The following DAB1 variants were observed in gnomAD, a reference collection of about 807,000 sequenced individuals.
The protein encoded by DAB1 is DAB adaptor protein 1.
In DAB1, 15 loss-of-function variants were observed where a neutral mutation model predicts 64.6. That is an observed-to-expected ratio of 0.23 (90% CI 0.16 to 0.36). The LOEUF (loss-of-function observed/expected upper bound fraction) is 0.36, where lower values mean the gene tolerates loss of function less well. DAB1 is among the 10% of genes least tolerant of loss of function. The pLI is 1.00. For synonymous variants in DAB1, 235 were observed against 251.9 expected (o/e 0.93, Z 0.64); for missense variants, 596 against 706.7 (o/e 0.84, Z 1.78).
chr1:57,567,899 T>A (rs1194131865), intron 7 of DAB1, among the ~76,000 whole-genome samples: 3 of 152,214 alleles, frequency 2.0e-5, no homozygotes, highest in Non-Finnish European at 4.4e-5. Flanking sequence ...TACAAATGAC[T>A]TTCTTCACAG....
intron 7 of DAB1, among the ~76,000 whole-genome samples, chr1:57,630,858 T>C (rs1645980944): frequency 6.6e-6 from 1 of 152,230 alleles, no homozygotes; most frequent in Non-Finnish European, 1.5e-5. Context: ...ATTATTCAAA[T>C]TATGTGAAAA....
At chr1:58,339,758 A>T (rs753520778) in intron 4 of DAB1, among the ~76,000 whole-genome samples, 8 of 152,178 alleles carry the variant, frequency 5.3e-5, no homozygotes, top group Non-Finnish European at 1.2e-4. Context: ...ATTCTGGAAG[A>T]CTTTAAGATA....
chr1:58,118,058 C>T (rs1488809093), intron 5 of DAB1, among the ~76,000 whole-genome samples: 1 of 151,792 alleles, frequency 6.6e-6, no homozygotes, highest in Non-Finnish European at 1.5e-5. Context: ...CATGTGCCAC[C>T]ATGCCTGCTA....
At chr1:57,678,490 G>A (rs943585469) in intron 6 of DAB1, among the ~76,000 whole-genome samples, 1 of 152,078 alleles carries the variant, frequency 6.6e-6, no homozygotes, top group Non-Finnish European at 1.5e-5. Flanking sequence ...AATAACTAAT[G>A]TAATATAAAC....
At chr1:57,424,538 A>G (rs906901046), upstream of DAB1, among the ~76,000 whole-genome samples, 4 of 152,156 alleles carry the variant, frequency 2.6e-5, no homozygotes, top group African/African-American at 4.8e-5. Flanking sequence ...CATCACCACC[A>G]CTGGACGCAG....
intron 5 of DAB1, among the ~76,000 whole-genome samples, chr1:58,069,540 G>A (rs993638828): frequency 7.9e-5 from 12 of 152,048 alleles, no homozygotes; most frequent in Admixed American, 2.0e-4. Flanking sequence ...AAATAAACAT[G>A]CTAAGGCCCA....
chr1:57,586,967 T>C (rs1558518258), intron 7 of DAB1, among the ~76,000 whole-genome samples: 1 of 152,198 alleles, frequency 6.6e-6, no homozygotes, highest in Non-Finnish European at 1.5e-5. Context: ...TAAATGTTTA[T>C]TCAGTGAATA....
chr1:57,345,697 T>G (rs1678021691), intron 1 of DAB1, among the ~76,000 whole-genome samples: 1 of 152,236 alleles, frequency 6.6e-6, no homozygotes, highest in African/African-American at 2.4e-5. Flanking sequence ...ATAACTGTAA[T>G]TACTTGGAGC....
At chr1:57,535,510 G>A (rs934010444) in intron 7 of DAB1, among the ~76,000 whole-genome samples, 22 of 137,082 alleles carry the variant, frequency 1.6e-4, no homozygotes, top group African/African-American at 4.3e-4. Context: ...TTGCTCTGTC[G>A]CCAGACTGGA....
At chr1:57,241,246 A>T (rs1000214739) in intron 2 of DAB1, among the ~76,000 whole-genome samples, 1 of 152,216 alleles carries the variant, frequency 6.6e-6, no homozygotes, top group African/African-American at 2.4e-5. Flanking sequence ...TCTGCTGCAT[A>T]ACAGCCAAAA....
chr1:57,807,480 T>C (rs577790868), intron 6 of DAB1, among the ~76,000 whole-genome samples: 1 of 152,296 alleles, frequency 6.6e-6, no homozygotes, highest in East Asian at 1.9e-4. Context: ...AATCATTTTC[T>C]TCTTGTTTTA....
rs1385208193 is a variant in DAB1 at position 57,312,789 on chromosome 1, G to T, written c.-136-21623C>A. ...CCAAAGGTTCTCATTTGCAGCAGTG[G>T]CCGGTGAGCAGCAGTGGAGTGTGCA... On this transcript the variant is annotated intron_variant, in intron 1 of 14. Transcript: ENST00000371236. Among the ~76,000 whole-genome samples, 4 of 152,136 alleles carry T rather than the reference G, an allele frequency of 2.6e-5. No individual in the cohort carries two copies. The East Asian group carries it at 7.7e-4, about 29-fold the overall frequency.
chr1:57,466,890 T>C (rs1260644618), intron 7 of DAB1, among the ~76,000 whole-genome samples: 1 of 152,216 alleles, frequency 6.6e-6, no homozygotes, highest in African/African-American at 2.4e-5. Flanking sequence ...CTTCTCACAC[T>C]TGAAATCTCT....
intron 6 of DAB1, among the ~76,000 whole-genome samples, chr1:57,680,801 G>GAT (rs1367181384): frequency 6.6e-6 from 1 of 152,188 alleles, no homozygotes; most frequent in East Asian, 1.9e-4. Flanking sequence ...AAAACCATGC[G>GAT]ATAGTACAGC....
chr1:57,900,606 G>A (rs543274751), intron 5 of DAB1, among the ~76,000 whole-genome samples: 1 of 152,166 alleles, frequency 6.6e-6, no homozygotes, highest in Non-Finnish European at 1.5e-5. Context: ...GGAAATATAA[G>A]TCAATCCATC....
intron 1 of DAB1, among the ~76,000 whole-genome samples, chr1:57,403,548 C>G (rs1488207717): frequency 6.6e-6 from 1 of 152,190 alleles, no homozygotes; most frequent in Non-Finnish European, 1.5e-5. Context: ...AAATTCTAAA[C>G]TCAAGCCTCT....
At chr1:57,882,041 C>G (rs746880257) in intron 1 of DAB1, among the ~76,000 whole-genome samples, 1 of 152,114 alleles carries the variant, frequency 6.6e-6, no homozygotes, top group Non-Finnish European at 1.5e-5. Context: ...CAAGAGCGTT[C>G]TTTGATAAAG....
rs115205618 is a variant in DAB1, at chr1:57,607,866, C to T, written n.625+41726G>A. ...GGTGATAGGTCCTGGATTAAACAGT[C>T]CAGTAATGACTGTCAGGAGTGGAGT... On this transcript the variant is annotated intron_variant and non_coding_transcript_variant, in intron 7 of 20. Coordinates refer to the DAB1 transcript ENST00000485760. Among the ~76,000 whole-genome samples the T allele has an allele frequency of 3.7e-3, 558 of 152,236 alleles. 2 individuals carry two copies. The highest frequency in any genetic ancestry group is 0.01 in the Middle Eastern group (3 of 294).
At chr1:57,606,686 A>G (rs1248609674) in intron 7 of DAB1, among the ~76,000 whole-genome samples, 1 of 129,502 alleles carries the variant, frequency 7.7e-6, no homozygotes, top group Non-Finnish European at 1.6e-5. Context: ...TATATTATGT[A>G]TGAAATATAT....
Sources: gnomAD v4.1 joint callset for allele counts (sites outside exome capture counted in the v4.1 genomes callset) on GRCh38, gnomAD v4.1.1 for gene constraint, MANE v1.5 for transcripts, NCBI Gene and HGNC (gene_info 2026-07-23, HGNC 2026-07-21) for gene names.